CTNND2: variants seen among roughly 807,000 people sequenced by gnomAD.
CTNND2 encodes catenin delta-2.
CTNND2 carries 22 observed loss-of-function variants against 144.4 expected under a neutral mutation model. That is an observed-to-expected ratio of 0.15 (90% CI 0.11 to 0.22). The LOEUF is 0.22. CTNND2 is among the 10% of genes least tolerant of loss of function. The probability of loss-of-function intolerance (pLI) is 1.00; values close to 1 mark genes in which losing one functional copy is unlikely to be tolerated. For missense variants in CTNND2, 1,353 were observed against 1,618.8 expected (o/e 0.84, Z 2.82); for synonymous variants, 751 against 695.6 (o/e 1.08, Z -1.25).
chr5:11,352,095 T>C lies in CTNND2; in HGVS notation c.1373-5468A>G, dbSNP rs557213532. ...AATGGAAAAATACTCAAGGGTAAATTTGAACATACAAAATTTAAAATAATT... is the reference window on the plus strand; with the variant it reads ...AATGGAAAAATACTCAAGGGTAAATCTGAACATACAAAATTTAAAATAATT... On this transcript the variant is annotated intron_variant, in intron 8 of 21. Transcript: ENST00000304623. Among the ~76,000 whole-genome samples the C allele has an allele frequency of 5.3e-5, 8 of 152,308 alleles. No homozygotes were observed. In the East Asian group the frequency reaches 1.5e-3, roughly 29 times the overall value.
intron 3 of CTNND2, among the ~76,000 whole-genome samples, chr5:11,432,908 A>G (rs966686130): frequency 9.2e-5 from 14 of 152,192 alleles, no homozygotes; most frequent in Admixed American, 6.5e-5. Context: ...ACTCCACATT[A>G]AGTTTTTCAC....
chr5:11,782,293 C>A (rs1362546801), intron 1 of CTNND2, among the ~76,000 whole-genome samples: 2 of 152,060 alleles, frequency 1.3e-5, no homozygotes, highest in Non-Finnish European at 2.9e-5. Flanking sequence ...AGACACGATG[C>A]AATTGGGCTC....
intron 9 of CTNND2, among the ~76,000 whole-genome samples, chr5:11,279,745 C>G (rs780270029): frequency 1.3e-5 from 2 of 152,084 alleles, no homozygotes; most frequent in Non-Finnish European, 2.9e-5. Flanking sequence ...GGGGAGGCCT[C>G]AGGAAGCTTC....
intron 14 of CTNND2, among the ~76,000 whole-genome samples, chr5:11,107,679 G>A (rs936404764): frequency 1.3e-5 from 2 of 152,162 alleles, no homozygotes; most frequent in African/African-American, 2.4e-5. Context: ...AATTTAGATG[G>A]TGCATTTGTT....
chr5:11,480,946 A>G (rs1347541328), intron 3 of CTNND2, among the ~76,000 whole-genome samples: 1 of 152,148 alleles, frequency 6.6e-6, no homozygotes, highest in Non-Finnish European at 1.5e-5. Context: ...TTGGGATGAA[A>G]GGGGAAATGG....
intron 2 of CTNND2, among the ~76,000 whole-genome samples, chr5:11,630,358 T>C (rs1180902928): frequency 1.3e-5 from 2 of 152,156 alleles, no homozygotes. Context: ...CTGAATCTCA[T>C]CAATTCAGTC....
chr5:11,814,430 T>G (rs1449279550), intron 1 of CTNND2, among the ~76,000 whole-genome samples: 1 of 152,244 alleles, frequency 6.6e-6, no homozygotes. Flanking sequence ...AACACTGTAA[T>G]AGACTGCTGG....
chr5:11,702,087 AAC>A (rs1290058120), intron 2 of CTNND2, among the ~76,000 whole-genome samples: 1 of 152,184 alleles, frequency 6.6e-6, no homozygotes, highest in East Asian at 1.9e-4. Context: ...TGCAGGAAGA[AAC>A]ACAGTGCACA....
chr5:11,598,010 T>C (rs1157368579), intron 2 of CTNND2, among the ~76,000 whole-genome samples: 2 of 152,192 alleles, frequency 1.3e-5, no homozygotes, highest in Non-Finnish European at 2.9e-5. Flanking sequence ...GTGATAAAAA[T>C]AGCTGTATTT....
At chr5:11,697,584 A>G (rs1785199516) in intron 2 of CTNND2, among the ~76,000 whole-genome samples, 1 of 152,338 alleles carries the variant, frequency 6.6e-6, no homozygotes, top group Admixed American at 6.5e-5. Context: ...CAATCTATTC[A>G]AGAACCCCGC....
intron 7 of CTNND2, among the ~76,000 whole-genome samples, chr5:11,368,038 G>A (rs1323674875): frequency 6.6e-6 from 1 of 152,186 alleles, no homozygotes; most frequent in Admixed American, 6.5e-5. Flanking sequence ...TCAGGCACTG[G>A]CAATTTTTCA....
chr5:11,307,960 G>A (rs773147693), intron 9 of CTNND2, among the ~76,000 whole-genome samples: 9 of 152,140 alleles, frequency 5.9e-5, no homozygotes, highest in African/African-American at 1.2e-4. Flanking sequence ...AAACAGATCC[G>A]AGAGAGTTAG....
intron 1 of CTNND2, among the ~76,000 whole-genome samples, chr5:11,741,836 CAT>C (rs772069264): frequency 1.0e-4 from 15 of 144,464 alleles, no homozygotes; most frequent in Admixed American, 2.1e-4. Context: ...TAGTAGTATT[CAT>C]ATATATATAT....
Position 11,854,293 on chromosome 5 carries a change from C to T in CTNND2, c.37+49524G>A, listed in dbSNP as rs139761465. ...GCATTACTTTTGCCTGGAATCCTTT[C>T]TCCCCACCATTTCTCCACTTTTATT... On this transcript the variant is annotated intron_variant, in intron 1 of 21. Transcript: ENST00000304623. Among the ~76,000 whole-genome samples, 13 of 152,308 alleles carry T rather than the reference C, an allele frequency of 8.5e-5. No individual in the cohort carries two copies. The East Asian group carries it at 2.5e-3, about 29-fold the overall frequency.
chr5:11,718,310 C>A (rs891570139), intron 2 of CTNND2, among the ~76,000 whole-genome samples: 3 of 152,116 alleles, frequency 2.0e-5, no homozygotes. Flanking sequence ...TCCTATCCCA[C>A]CTTTTGTGAG....
intron 3 of CTNND2, among the ~76,000 whole-genome samples, chr5:11,490,911 T>TA (rs1769325786): frequency 3.3e-5 from 5 of 152,044 alleles, no homozygotes; most frequent in Non-Finnish European, 5.9e-5. Flanking sequence ...TCACTTGAGC[T>TA]CAGGAGGTTG....
chr5:11,395,760 T>C (rs1387988828), intron 6 of CTNND2, among the ~76,000 whole-genome samples: 1 of 152,228 alleles, frequency 6.6e-6, no homozygotes, highest in Non-Finnish European at 1.5e-5. Flanking sequence ...ATTTTAAAAA[T>C]TGTTTCTGGC....
intron 18 of CTNND2, among the ~76,000 whole-genome samples, chr5:11,009,527 T>G (rs1304348039): frequency 6.6e-6 from 1 of 152,206 alleles, no homozygotes; most frequent in Non-Finnish European, 1.5e-5. Flanking sequence ...GGAGTAAGTT[T>G]GAGTTAATTG....
intron 14 of CTNND2, among the ~76,000 whole-genome samples, chr5:11,109,684 A>G (rs1036615701): frequency 2.0e-5 from 3 of 152,194 alleles, no homozygotes; most frequent in Non-Finnish European, 2.9e-5. Flanking sequence ...AAAACCATAC[A>G]CTTTTATAAG....
Sources: gnomAD v4.1 joint callset for allele counts (sites outside exome capture counted in the v4.1 genomes callset) on GRCh38, gnomAD v4.1.1 for gene constraint, MANE v1.5 for transcripts, NCBI Gene and HGNC (gene_info 2026-07-23, HGNC 2026-07-21) for gene names.